CDH13: variants seen among roughly 807,000 people sequenced by gnomAD.
The protein encoded by CDH13 is cadherin 13.
CDH13 carries 24 observed loss-of-function variants against 63.8 expected under a neutral mutation model. That is an observed-to-expected ratio of 0.38 (90% CI 0.27 to 0.53). The LOEUF is 0.53. CDH13 is among the 20% of genes least tolerant of loss of function. CDH13 has a pLI of 0.85. For synonymous variants in CDH13, 503 were observed against 355.3 expected, an observed-to-expected ratio of 1.42 and a Z score of -4.67; for missense variants, 1,049 against 903.1, an observed-to-expected ratio of 1.16 and a Z score of -2.07.
chr16:82,677,446 C>CTTTTTTTTTTTTTTT (rs3041877), intron 1 of CDH13, among the ~76,000 whole-genome samples: 1 of 130,712 alleles, frequency 7.7e-6, no homozygotes, highest in African/African-American at 2.8e-5. Context: ...ACTCTTCTGC[C>CTTTTTTTTTTTTTTT]TTTTTTTTTT....
chr16:83,260,613 A>G (rs1906871985), intron 5 of CDH13, among the ~76,000 whole-genome samples: 1 of 152,166 alleles, frequency 6.6e-6, no homozygotes, highest in Non-Finnish European at 1.5e-5. Flanking sequence ...GGTGATGCTG[A>G]TACTGCTGCT....
intron 2 of CDH13, among the ~76,000 whole-genome samples, chr16:82,897,280 G>A (rs2041302626): frequency 6.6e-6 from 1 of 152,172 alleles, no homozygotes; most frequent in Admixed American, 6.5e-5. Context: ...CACAGCAGCT[G>A]GGGTAGCTGA....
chr16:82,760,982 C>T (rs1317756815), intron 1 of CDH13, among the ~76,000 whole-genome samples: 1 of 147,164 alleles, frequency 6.8e-6, no homozygotes, highest in African/African-American at 2.5e-5. Flanking sequence ...CCACCAGCCT[C>T]CACCTCCAAC....
chr16:82,800,917 T>A (rs755918107), intron 1 of CDH13, among the ~76,000 whole-genome samples: 1 of 152,154 alleles, frequency 6.6e-6, no homozygotes, highest in Non-Finnish European at 1.5e-5. Flanking sequence ...TCCTTTTTCC[T>A]CCTTTCGACT....
chr16:83,403,561 T>C (rs2092000005), intron 6 of CDH13, among the ~76,000 whole-genome samples: 1 of 152,062 alleles, frequency 6.6e-6, no homozygotes, highest in South Asian at 2.1e-4. Context: ...AGGCAGAGCT[T>C]GCAGTGACCC....
intron 6 of CDH13, among the ~76,000 whole-genome samples, chr16:83,458,069 C>T (rs1179508252): frequency 6.6e-6 from 1 of 152,140 alleles, no homozygotes; most frequent in Admixed American, 6.5e-5. Flanking sequence ...GGAACTCACC[C>T]ACTGTCGCCA....
chr16:83,480,158 C>G lies in CDH13; in HGVS notation c.782-6319C>G, dbSNP rs554710315. On this transcript the variant is annotated intron_variant, in intron 6 of 13. Coordinates refer to ENST00000567109, the MANE Select transcript of CDH13 (RefSeq NM_001257.5). The stretch of plus-strand genomic sequence containing the variant: ...CAGGCAACATGACAAAACCCCATCT[C>G]TACAAAAATTAGCCAGGCATAGTGG... 4.6e-5 allele frequency among the ~76,000 whole-genome samples: 7 copies of G among 152,242 alleles called. No homozygotes were observed. In the East Asian group the frequency reaches 5.8e-4, roughly 13 times the overall value.
At chr16:83,750,294 T>C (rs1192872236) in intron 11 of CDH13, among the ~76,000 whole-genome samples, 1 of 151,738 alleles carries the variant, frequency 6.6e-6, no homozygotes, top group African/African-American at 2.4e-5. Flanking sequence ...AGACTCCATC[T>C]CAAAAAAAAA....
intron 13 of CDH13, among the ~76,000 whole-genome samples, chr16:83,788,040 A>ATG (rs1916003149): frequency 6.6e-6 from 1 of 152,216 alleles, no homozygotes; most frequent in Non-Finnish European, 1.5e-5. Flanking sequence ...TAAAAATTCT[A>ATG]TGTGTGTGTA....
intron 2 of CDH13, chr16:83,022,915 G>A (rs1915476992): frequency 6.6e-6 from 1 of 152,296 alleles, no homozygotes; most frequent in South Asian, 2.1e-4. Context: ...TCTGCAAGCA[G>A]GACTGTTCTA....
At chr16:82,792,022 G>A (rs1034583869) in intron 1 of CDH13, among the ~76,000 whole-genome samples, 1 of 152,150 alleles carries the variant, frequency 6.6e-6, no homozygotes, top group Non-Finnish European at 1.5e-5. Flanking sequence ...GGGACACAAA[G>A]GCTTTCATGG....
chr16:83,211,237 T>C (rs181972360), intron 4 of CDH13, among the ~76,000 whole-genome samples: 57 of 152,236 alleles, frequency 3.7e-4, no homozygotes, highest in African/African-American at 1.3e-3. Context: ...TCAGTGTTAA[T>C]TTATCAGTTA....
At position 83,792,912 on chromosome 16, in the gene CDH13, T is replaced by G. The variant is rs150482400; in HGVS notation, c.2135-2111T>G. Among the ~76,000 whole-genome samples, 213 of 152,214 alleles carry G rather than the reference T, an allele frequency of 1.4e-3. 1 individual carries two copies. Among genetic ancestry groups the G allele is most frequent in the African/African-American group, 4.3e-3 (178 of 41,532 alleles). On this transcript the variant is annotated intron_variant, in intron 13 of 13. Coordinates refer to ENST00000567109, the MANE Select transcript of CDH13 (RefSeq NM_001257.5). ...CATTGTAAAAATGAAACCTAATCAT[T>G]GTAAAAATGAAACCTAATCATGGTA...
At chr16:83,308,100 C>T (rs145347985) in intron 5 of CDH13, among the ~76,000 whole-genome samples, 23 of 152,056 alleles carry the variant, frequency 1.5e-4, no homozygotes, top group Admixed American at 3.9e-4. Context: ...ATATGTTGTG[C>T]GGGAATCAGA....
chr16:83,247,117 G>C (rs527631340), intron 5 of CDH13, among the ~76,000 whole-genome samples: 1 of 152,294 alleles, frequency 6.6e-6, no homozygotes, highest in South Asian at 2.1e-4. Context: ...TTTTAGGATT[G>C]GAGATCATTG....
chr16:83,395,471 T>C (rs2091870292), intron 6 of CDH13, among the ~76,000 whole-genome samples: 1 of 152,144 alleles, frequency 6.6e-6, no homozygotes, highest in Admixed American at 6.5e-5. Flanking sequence ...TTACCTCCTT[T>C]CAAAGTGGCT....
At position 82,975,580 on chromosome 16, in the gene CDH13, A is replaced by G. The variant is rs572773807; in HGVS notation, c.158-56430A>G. 2.0e-3 allele frequency among the ~76,000 whole-genome samples: 306 copies of G among 152,340 alleles called. 2 individuals carry two copies. Among genetic ancestry groups the G allele is most frequent in the Middle Eastern group, 0.017 (5 of 294 alleles). On this transcript the variant is annotated intron_variant, in intron 2 of 13. Coordinates refer to ENST00000567109, the MANE Select transcript of CDH13 (RefSeq NM_001257.5). The stretch of plus-strand genomic sequence containing the variant: ...ATACAGTGAATGGTATAGAGTTGGC[A>G]CCCAACAAATAATCATCGTAATGAT...
intron 3 of CDH13, among the ~76,000 whole-genome samples, chr16:83,090,488 C>A (rs1049376372): frequency 6.6e-6 from 1 of 151,302 alleles, no homozygotes; most frequent in Admixed American, 6.6e-5. Context: ...GCGGGAGAAT[C>A]GCTTGAACCC....
chr16:83,121,153 T>C (rs1211671896), intron 3 of CDH13, among the ~76,000 whole-genome samples: 1 of 152,226 alleles, frequency 6.6e-6, no homozygotes, highest in Non-Finnish European at 1.5e-5. Flanking sequence ...TCTTCTGTCT[T>C]ATACAGAATC....
Sources: gnomAD v4.1 joint callset for allele counts (sites outside exome capture counted in the v4.1 genomes callset) on GRCh38, gnomAD v4.1.1 for gene constraint, MANE v1.5 for transcripts, NCBI Gene and HGNC (gene_info 2026-07-23, HGNC 2026-07-21) for gene names.